GEM: variants seen among roughly 807,000 people sequenced by gnomAD.
GEM encodes the protein GTP-binding protein GEM.
GEM carries 31 observed loss-of-function variants against 33.0 expected under a neutral mutation model. The ratio of observed to expected loss-of-function variants is 0.94; its 90% CI spans 0.71 to 1.27. The LOEUF is 1.27. Among genes scored for constraint, GEM ranks in the 50% most tolerant of loss-of-function variants. GEM has a pLI of 0.00. For missense variants in GEM, 354 were observed against 390.5 expected, an observed-to-expected ratio of 0.91 and a Z score of 0.79; for synonymous variants, 141 against 143.7, an observed-to-expected ratio of 0.98 and a Z score of 0.13.
At chr8:94,262,045 C>A (rs1809034457) in intron 1 of GEM, 45 bp downstream of exon 1, 1 of 152,304 alleles carries the variant, frequency 6.6e-6, no homozygotes, top group Non-Finnish European at 1.5e-5. Flanking sequence ...AAGGAACCTG[C>A]TGATGAGAAG....
chr8:94,259,765 T>G (rs1254189573), intron 2 of GEM: 1 of 163,744 alleles, frequency 6.1e-6, no homozygotes, highest in Admixed American at 6.1e-5. Context: ...CAAGCCATCC[T>G]AACAGCTTTT....
chr8:94,252,351 A>C, intron 3 of GEM, 128 bp from the exon 4 acceptor site: 1 of 662,358 alleles, frequency 1.5e-6, no homozygotes, highest in East Asian at 2.7e-5. Context: ...AAGGAAGAAA[A>C]TCGCTTCCAA....
chr8:94,255,553 G>A (rs766827958), intron 2 of GEM, among the ~76,000 whole-genome samples: 6 of 152,118 alleles, frequency 3.9e-5, no homozygotes, highest in African/African-American at 7.2e-5. Flanking sequence ...CCCTAACCAG[G>A]TGCAAGCCTG....
intron 4 of GEM, among the ~76,000 whole-genome samples, chr8:94,251,224 A>G (rs996138969): frequency 4.6e-5 from 7 of 152,248 alleles, no homozygotes; most frequent in East Asian, 1.9e-4. Context: ...AATGTGTAAT[A>G]CAGTTAAATT....
intron 4 of GEM, among the ~76,000 whole-genome samples, chr8:94,251,553 A>T (rs1253779537): frequency 1.2e-4 from 18 of 152,222 alleles, no homozygotes; most frequent in Non-Finnish European, 1.2e-4. Flanking sequence ...GAAGAAGAAT[A>T]TGTGACCCCA....
intron 4 of GEM, among the ~76,000 whole-genome samples, chr8:94,251,776 G>A (rs893454757): frequency 6.6e-6 from 1 of 152,160 alleles, no homozygotes; most frequent in Non-Finnish European, 1.5e-5. Context: ...GGGAATTCCA[G>A]GAAACTCCTT....
chr8:94,252,006 C>G lies in GEM; in HGVS notation c.613+13G>C. The G allele has an allele frequency of 6.3e-7, 1 of 1,597,382 alleles. No individual in the cohort carries two copies. Among genetic ancestry groups the G allele is most frequent in the East Asian group, 2.2e-5 (1 of 44,802 alleles). On this transcript the variant is annotated intron_variant, in intron 4 of 4. Coordinates refer to ENST00000297596, the MANE Select transcript of GEM (RefSeq NM_005261.4). The stretch of plus-strand genomic sequence containing the variant: ...AGCGATTGTTTCTACAGTATTGGCT[C>G]TGCTCCTCTTACCTGATACAGACAC...
intron 2 of GEM, among the ~76,000 whole-genome samples, chr8:94,255,841 C>G (rs1808882042): frequency 6.6e-6 from 1 of 152,148 alleles, no homozygotes; most frequent in Non-Finnish European, 1.5e-5. Context: ...AGCAAAAGAA[C>G]TCATGCTGAT....
intron 2 of GEM, among the ~76,000 whole-genome samples, chr8:94,255,933 C>A (rs1466759199): frequency 6.6e-6 from 1 of 152,114 alleles, no homozygotes; most frequent in Non-Finnish European, 1.5e-5. Flanking sequence ...CTCATTTGAT[C>A]CCCCTGACAG....
In GEM at chr8:94,249,852, G is replaced by A. The variant is rs1460070634; in HGVS notation, c.*458C>T. On this transcript the variant is annotated 3_prime_UTR_variant, in exon 5 of 5. Transcript: ENST00000297596. ...TGATGAGCCTAGTTCTACAATTCTA[G>A]CTCCATGGATCTTAGATTCGTAGAA... 1 of 153,642 alleles carries A rather than the reference G, an allele frequency of 6.5e-6. No individual in the cohort carries two copies. The highest frequency in any genetic ancestry group is 1.9e-4 in the East Asian group (1 of 5,222). The allele number at this position is 153,642 out of a possible 1,614,324, so 9.5% of individuals were successfully genotyped here. A position where few individuals can be genotyped will look rare whatever the true frequency, so the allele number is the denominator to read the frequency against.
rs1808732313 is a variant in GEM at position 94,250,279 on chromosome 8, A to T, written c.*31T>A. The T allele has an allele frequency of 6.3e-7, 1 of 1,576,244 alleles. No individual in the cohort carries two copies. The highest frequency in any genetic ancestry group is 2.2e-5 in the East Asian group (1 of 44,470). On this transcript the variant is annotated 3_prime_UTR_variant, in exon 5 of 5. Transcript: ENST00000297596. The stretch of plus-strand genomic sequence containing the variant: ...GTCCCAATGGCCTTCAACAACGGCC[A>T]TCAAAGGGACATCTGGGTGACCCTG...
chr8:94,261,224 C>A (rs986682658), intron 1 of GEM, among the ~76,000 whole-genome samples: 1 of 152,180 alleles, frequency 6.6e-6, no homozygotes, highest in Non-Finnish European at 1.5e-5. Context: ...TTTAAAACAT[C>A]CCGGCTCCAA....
At chr8:94,252,302 G>A (rs1291641640) in intron 3 of GEM, 79 bp from the exon 4 acceptor site, 1 of 932,570 alleles carries the variant, frequency 1.1e-6, no homozygotes, top group African/African-American at 1.6e-5. Context: ...AACAATATGT[G>A]TATCCTAAAG....
chr8:94,260,606 A>T lies in GEM; in HGVS notation c.-9-94T>A, dbSNP rs1410843781. On this transcript the variant is annotated intron_variant, in intron 1 of 4. Coordinates refer to ENST00000297596, the MANE Select transcript of GEM (RefSeq NM_005261.4). ...TCAGTCATCAGTAATATTTTATTAG[A>T]TGAGATGAGAAGCAAGTATCCCTAA... The T allele has an allele frequency of 1.0e-5, 7 of 690,728 alleles. No individual in the cohort carries two copies. The Admixed American group carries it at 1.1e-4, about 11-fold the overall frequency. The allele number at this position is 690,728 out of a possible 1,614,324, so 42.8% of individuals were successfully genotyped here.
rs1294586629 is a variant in GEM, at chr8:94,253,031, C to T, written c.408+5G>A. 2 of 1,534,082 alleles carry T rather than the reference C, an allele frequency of 1.3e-6. No individual in the cohort carries two copies. Among genetic ancestry groups the T allele is most frequent in the Admixed American group, 3.3e-5 (2 of 59,880 alleles). On this transcript the variant is annotated splice_donor_5th_base_variant and intron_variant, in intron 3 of 4. Coordinates refer to ENST00000297596, the MANE Select transcript of GEM (RefSeq NM_005261.4). ...GGAATTTAGAGAGCTACAGGCTCTG[C>T]ATACCTTATTTTCCCACATATCCAG... is the stretch of plus-strand genomic sequence containing the variant.
At chr8:94,260,953 G>T (rs1809009191) in intron 1 of GEM, among the ~76,000 whole-genome samples, 1 of 152,182 alleles carries the variant, frequency 6.6e-6, no homozygotes, top group African/African-American at 2.4e-5. Context: ...GTCTAAACTT[G>T]GCTCTTAATT....
At chr8:94,259,316 G>A (rs899131575) in intron 2 of GEM, among the ~76,000 whole-genome samples, 1 of 152,174 alleles carries the variant, frequency 6.6e-6, no homozygotes, top group Non-Finnish European at 1.5e-5. Flanking sequence ...TGTGAGTCGC[G>A]ACAGAACACA....
In GEM at chr8:94,250,092, C is replaced by T; in HGVS notation, c.*218G>A. 1 of 562,170 alleles carries T rather than the reference C, an allele frequency of 1.8e-6. No individual in the cohort carries two copies. Among genetic ancestry groups the T allele is most frequent in the Non-Finnish European group, 3.1e-6 (1 of 319,782 alleles). The allele number at this position is 562,170 out of a possible 1,614,324, so 34.8% of individuals were successfully genotyped here. On this transcript the variant is annotated 3_prime_UTR_variant, in exon 5 of 5. Coordinates refer to ENST00000297596, the MANE Select transcript of GEM (RefSeq NM_005261.4). Reference sequence around the variant, plus strand: ...CATCCTCTAAAGAGTCTTGGGTGTTCAAATAGCAAGGTCAGGCTTTTCCTG... The same window carrying T: ...CATCCTCTAAAGAGTCTTGGGTGTTTAAATAGCAAGGTCAGGCTTTTCCTG...
At chr8:94,257,826 T>C (rs117132535) in intron 2 of GEM, among the ~76,000 whole-genome samples, 1,582 of 151,870 alleles carry the variant, frequency 0.01, 19 homozygotes, top group Non-Finnish European at 0.014. Context: ...ATTATGAGAA[T>C]ATTATGTCGA....
Sources: gnomAD v4.1 joint callset for allele counts (sites outside exome capture counted in the v4.1 genomes callset) on GRCh38, gnomAD v4.1.1 for gene constraint, MANE v1.5 for transcripts, NCBI Gene and HGNC (gene_info 2026-07-23, HGNC 2026-07-21) for gene names.